FLT3: variants seen among roughly 807,000 people sequenced by gnomAD.
The protein encoded by FLT3 is receptor-type tyrosine-protein kinase FLT3.
A neutral mutation model predicts 126.6 loss-of-function variants in FLT3; 46 were observed. That is an observed-to-expected ratio of 0.36 (90% CI 0.29 to 0.46). The LOEUF (loss-of-function observed/expected upper bound fraction) is 0.46, where lower values mean the gene tolerates loss of function less well. FLT3 is among the 20% of genes least tolerant of loss of function. The pLI is 1.00. For synonymous variants in FLT3, 404 were observed against 434.4 expected, an observed-to-expected ratio of 0.93 and a Z score of 0.87; for missense variants, 1,069 against 1,190.3, an observed-to-expected ratio of 0.90 and a Z score of 1.50.
At chr13:28,021,141 G>A (rs1593223420) in intron 19 of FLT3, among the ~76,000 whole-genome samples, 1 of 152,260 alleles carries the variant, frequency 6.6e-6, no homozygotes, top group African/African-American at 2.4e-5. Flanking sequence ...TGTAATCCCA[G>A]CACTTTGGGA....
intron 1 of FLT3, among the ~76,000 whole-genome samples, chr13:28,085,205 C>G (rs1490411804): frequency 2.1e-5 from 3 of 144,094 alleles, no homozygotes; most frequent in East Asian, 2.1e-4. Flanking sequence ...TTAGCTGGGC[C>G]TGGTGGCGCA....
chr13:28,015,696 A>G lies in FLT3; in HGVS notation c.2547T>C (p.Arg849=), dbSNP rs927209673. 5.0e-6 allele frequency: 8 copies of G among 1,605,764 alleles called. No homozygotes were observed. ...CGGGGGCCATCCATTTTACAGGCAG[A>G]CGGGCCTGTGGAAAACCCAGAGGAG... ...DSNYVVRGNA[R]LPVKWMAPES... is the part of the protein sequence containing the mutation. The change falls in exon 21 of 24, where the codon CGT becomes CGC. Residue 849 remains arginine (R), a synonymous_variant. Coordinates refer to ENST00000241453, the MANE Select transcript of FLT3 (RefSeq NM_004119.3).
At chr13:28,082,715 G>A (rs370463665) in intron 1 of FLT3, among the ~76,000 whole-genome samples, 1 of 102,906 alleles carries the variant, frequency 9.7e-6, no homozygotes, top group Non-Finnish European at 2.2e-5. Context: ...GTTTTGTTTT[G>A]TTTTTTGAGA....
chr13:28,087,766 G>A (rs1878770039), intron 1 of FLT3, among the ~76,000 whole-genome samples: 1 of 152,060 alleles, frequency 6.6e-6, no homozygotes, highest in Admixed American at 6.6e-5. Flanking sequence ...ATGCCGCCAA[G>A]TCCACTAATC....
At chr13:28,099,378 TC>T (rs1310405401) in intron 1 of FLT3, among the ~76,000 whole-genome samples, 2 of 152,268 alleles carry the variant, frequency 1.3e-5, no homozygotes, top group Non-Finnish European at 2.9e-5. Flanking sequence ...TCTTTGTTTT[TC>T]AACTCTTTTC....
At chr13:28,027,806 G>T (rs1392131183) in intron 16 of FLT3, among the ~76,000 whole-genome samples, 1 of 152,224 alleles carries the variant, frequency 6.6e-6, no homozygotes, top group East Asian at 1.9e-4. Flanking sequence ...TGCCGTATTT[G>T]ACGGCAGCCC....
intron 15 of FLT3, among the ~76,000 whole-genome samples, chr13:28,029,965 G>A (rs1047967268): frequency 6.6e-6 from 1 of 152,196 alleles, no homozygotes; most frequent in Admixed American, 6.5e-5. Context: ...GGCAGCCCGG[G>A]CAGCCACAGG....
At chr13:28,051,607 C>T (rs1283589053) in intron 5 of FLT3, among the ~76,000 whole-genome samples, 32 of 145,560 alleles carry the variant, frequency 2.2e-4, no homozygotes, top group African/African-American at 7.9e-4. Context: ...TGCAGTGGCG[C>T]GATCTCGGCT....
At chr13:28,093,628 G>A (rs1163170838) in intron 1 of FLT3, among the ~76,000 whole-genome samples, 1 of 151,998 alleles carries the variant, frequency 6.6e-6, no homozygotes, top group African/African-American at 2.4e-5. Context: ...CTATTTACCT[G>A]GAACATCCTC....
Sources: gnomAD v4.1 joint callset for allele counts (sites outside exome capture counted in the v4.1 genomes callset) on GRCh38, gnomAD v4.1.1 for gene constraint, MANE v1.5 for transcripts, NCBI Gene and HGNC (gene_info 2026-07-23, HGNC 2026-07-21) for gene names.